The following PIN4 variants were observed in gnomAD, a reference collection of about 807,000 sequenced individuals.
PIN4 encodes peptidyl-prolyl cis-trans isomerase NIMA-interacting 4.
PIN4 carries 3 observed loss-of-function variants against 8.3 expected under a neutral mutation model. The ratio of observed to expected loss-of-function variants is 0.36; its 90% confidence interval spans 0.16 to 0.93. PIN4 has a LOEUF of 0.93. PIN4 is among the 40% of genes least tolerant of loss of function. PIN4 has a pLI of 0.44. For missense variants in PIN4, 75 were observed against 100.6 expected, an observed-to-expected ratio of 0.75 and a Z score of 1.09; for synonymous variants, 18 against 32.5, an observed-to-expected ratio of 0.55 and a Z score of 1.52.
At chrX:72,212,969 C>T (rs979744974) in intron 3 of PIN4, among the ~76,000 whole-genome samples, 1 of 112,035 alleles carries the variant, frequency 8.9e-6, no homozygotes, top group Non-Finnish European at 1.9e-5. Flanking sequence ...TGTGAAGAGA[C>T]AGAGAACTGA....
At chrX:72,186,806 G>C (rs367957832) in intron 2 of PIN4, among the ~76,000 whole-genome samples, 1 of 111,330 alleles carries the variant, frequency 9.0e-6, no homozygotes, top group African/African-American at 3.3e-5. Context: ...TGTAATCCTA[G>C]CTACTTGGGA....
intron 3 of PIN4, among the ~76,000 whole-genome samples, chrX:72,241,384 T>C (rs773918582): frequency 1.8e-4 from 20 of 111,626 alleles, no homozygotes; most frequent in African/African-American, 5.5e-4. Flanking sequence ...GGACACACTA[T>C]TCCTTCCCCT....
intron 1 of PIN4, among the ~76,000 whole-genome samples, chrX:72,182,554 A>G: frequency 9.2e-6 from 1 of 108,939 alleles, no homozygotes; most frequent in African/African-American, 3.5e-5. Flanking sequence ...AAAAAAAAAA[A>G]AGAGATTTTG....
intron 3 of PIN4, among the ~76,000 whole-genome samples, chrX:72,231,434 G>A (rs1053007024): frequency 9.0e-6 from 1 of 111,727 alleles, no homozygotes; most frequent in African/African-American, 3.3e-5. Flanking sequence ...AAGGAGAAAT[G>A]TTAGTCAATG....
At chrX:72,246,455 A>G (rs1271444998) in intron 3 of PIN4, among the ~76,000 whole-genome samples, 2 of 111,100 alleles carry the variant, frequency 1.8e-5, no homozygotes, top group Non-Finnish European at 3.8e-5. Flanking sequence ...ATCATCTTTC[A>G]AAAATACCAA....
intron 2 of PIN4, among the ~76,000 whole-genome samples, chrX:72,193,596 G>A (rs1044844802): frequency 2.7e-5 from 3 of 111,435 alleles, no homozygotes; most frequent in East Asian, 2.8e-4. Flanking sequence ...GTGGCTGGGC[G>A]TGGTGGCTCA....
At chrX:72,188,842 G>A (rs2042717125) in intron 2 of PIN4, among the ~76,000 whole-genome samples, 1 of 111,646 alleles carries the variant, frequency 9.0e-6, no homozygotes, top group Non-Finnish European at 1.9e-5. Flanking sequence ...GCTTTAAAGA[G>A]GCACCTTACC....
chrX:72,222,295 G>C (rs1602446094), intron 3 of PIN4, among the ~76,000 whole-genome samples: 1 of 111,625 alleles, frequency 9.0e-6, no homozygotes, highest in Non-Finnish European at 1.9e-5. Flanking sequence ...ATTTAACTTG[G>C]CATGATATTT....
chrX:72,195,009 A>G (rs6624609), intron 2 of PIN4, among the ~76,000 whole-genome samples: 47,278 of 110,617 alleles, frequency 0.43, 9,152 homozygotes, highest in East Asian at 0.98. Context: ...TAGCCTAGAT[A>G]TGTAGCTGGC....
chrX:72,228,677 A>G (rs190962288), intron 3 of PIN4, among the ~76,000 whole-genome samples: 49 of 111,397 alleles, frequency 4.4e-4, no homozygotes, highest in African/African-American at 1.5e-3. Flanking sequence ...TTACTGTTCT[A>G]TGGGACCTAT....
intron 2 of PIN4, among the ~76,000 whole-genome samples, chrX:72,196,375 A>T (rs1173853424): frequency 9.1e-6 from 1 of 110,425 alleles, no homozygotes; most frequent in Non-Finnish European, 1.9e-5. Flanking sequence ...CTCTACTAAA[A>T]ATACAAAAAT....
At chrX:72,244,518 G>A (rs1352287235) in intron 3 of PIN4, among the ~76,000 whole-genome samples, 1 of 111,363 alleles carries the variant, frequency 9.0e-6, no homozygotes, top group East Asian at 2.8e-4. Flanking sequence ...GAGTTGAAAC[G>A]GTTTTTTGGA....
chrX:72,226,574 T>TA (rs771823081), intron 3 of PIN4, among the ~76,000 whole-genome samples: 7 of 112,072 alleles, frequency 6.2e-5, no homozygotes, highest in African/African-American at 2.3e-4. Context: ...ACTCATCACT[T>TA]ACTAAAGGCA....
chrX:72,198,971 C>T (rs1011735245), downstream of PIN4: 3 of 111,600 alleles, frequency 2.7e-5, no homozygotes, highest in Admixed American at 9.5e-5. Flanking sequence ...GTCAAAACTC[C>T]GGTGCTGATT....
At chrX:72,200,956 T>C (rs2042787719), downstream of PIN4, among the ~76,000 whole-genome samples, 1 of 112,047 alleles carries the variant, frequency 8.9e-6, no homozygotes, top group Admixed American at 9.5e-5. Flanking sequence ...TCCCAGCACT[T>C]TGGGAGGCTG....
chrX:72,233,497 G>A (rs1004758031), intron 3 of PIN4, among the ~76,000 whole-genome samples: 1 of 110,920 alleles, frequency 9.0e-6, no homozygotes, highest in Non-Finnish European at 1.9e-5. Context: ...GCCGAGGCAG[G>A]CGAATCACTG....
At chrX:72,184,734 C>T (rs2042690532) in intron 1 of PIN4, among the ~76,000 whole-genome samples, 1 of 111,556 alleles carries the variant, frequency 9.0e-6, no homozygotes, top group Non-Finnish European at 1.9e-5. Flanking sequence ...TTTTGGTAGT[C>T]AGTATTTGGG....
intron 1 of PIN4, among the ~76,000 whole-genome samples, chrX:72,185,157 A>AAAAAAAAAAAC (rs1569488086): frequency 9.6e-6 from 1 of 103,940 alleles, no homozygotes; most frequent in African/African-American, 3.4e-5. Context: ...CAAAAAAAAA[A>AAAAAAAAAAAC]AAAAAAAAAC....
chrX:72,241,319 G>A (rs2147611414), intron 3 of PIN4, among the ~76,000 whole-genome samples: 1 of 110,935 alleles, frequency 9.0e-6, no homozygotes, highest in Non-Finnish European at 1.9e-5. Flanking sequence ...CTTATGAAAG[G>A]GCTGGAGGGA....
Sources: allele counts gnomAD v4.1 joint callset (sites outside exome capture counted in the v4.1 genomes callset), GRCh38; gene constraint gnomAD v4.1.1; transcripts MANE v1.5; gene names NCBI Gene and HGNC (gene_info 2026-07-23, HGNC 2026-07-21).